Variants in FHIT observed in about 807,000 individuals in gnomAD.
FHIT encodes the protein fragile histidine triad diadenosine triphosphatase, also known as bis(5'-adenosyl)-triphosphatase.
A neutral mutation model predicts 17.9 loss-of-function variants in FHIT; 19 were observed. The ratio of observed to expected loss-of-function variants is 1.06; its 90% CI spans 0.74 to 1.56. The LOEUF (loss-of-function observed/expected upper bound fraction) is 1.56. Ranked by LOEUF, FHIT falls within the 40% of genes most tolerant of loss-of-function variation. The pLI, the probability that FHIT is intolerant of heterozygous loss-of-function variation, is 0.00. For missense variants in FHIT, 248 were observed against 189.2 expected (o/e 1.31, Z -1.82); for synonymous variants, 81 against 69.7 (o/e 1.16, Z -0.81).
chr3:60,873,839 T>C (rs1342729532), intron 3 of FHIT, among the ~76,000 whole-genome samples: 1 of 152,120 alleles, frequency 6.6e-6, no homozygotes, highest in Non-Finnish European at 1.5e-5. Flanking sequence ...CCCTTTACAA[T>C]ATTTAGATAA....
rs944218093 is a variant in FHIT, at chr3:59,749,511, G to T, written c.*74C>A. 7.1e-5 allele frequency: 9 copies of T among 126,692 alleles called. No homozygotes were observed. In the South Asian group the frequency reaches 3.6e-3, roughly 51 times the overall value. The allele number at this position is 126,692 out of a possible 1,614,324, so 7.8% of individuals were successfully genotyped here. On this transcript the variant is annotated 3_prime_UTR_variant, in exon 10 of 10. Transcript: ENST00000492590. ...ATGCTGATTCAGTTCCTCTTGGGGAGAGGCGGGGGGCGGTCTTCAAACTGG... is the reference window on the plus strand; with the variant it reads ...ATGCTGATTCAGTTCCTCTTGGGGATAGGCGGGGGGCGGTCTTCAAACTGG...
At chr3:61,083,453 A>C (rs2035208805) in intron 2 of FHIT, among the ~76,000 whole-genome samples, 1 of 152,096 alleles carries the variant, frequency 6.6e-6, no homozygotes, top group African/African-American at 2.4e-5. Flanking sequence ...AGCCGGGCGA[A>C]GTGGCGGGCG....
At chr3:60,056,081 G>T (rs1379364290) in intron 5 of FHIT, among the ~76,000 whole-genome samples, 1 of 152,228 alleles carries the variant, frequency 6.6e-6, no homozygotes. Context: ...GAAGGTATCT[G>T]AGAGCACAGC....
intron 4 of FHIT, among the ~76,000 whole-genome samples, chr3:60,768,643 C>T (rs75204433): frequency 0.11 from 17,117 of 152,208 alleles, 1,101 homozygotes; most frequent in African/African-American, 0.17. Flanking sequence ...ATTTCCTCTA[C>T]CTTTTGTGGT....
intron 5 of FHIT, among the ~76,000 whole-genome samples, chr3:60,336,954 G>A (rs1339095401): frequency 2.0e-5 from 3 of 151,190 alleles, no homozygotes; most frequent in Admixed American, 6.6e-5. Flanking sequence ...GCTTGAAGAT[G>A]TAGACAGAGA....
intron 3 of FHIT, among the ~76,000 whole-genome samples, chr3:60,875,002 T>C (rs146723114): frequency 1.5e-4 from 23 of 152,142 alleles, no homozygotes; most frequent in Non-Finnish European, 2.8e-4. Flanking sequence ...TGAGATAATA[T>C]AGAGAATATT....
intron 5 of FHIT, among the ~76,000 whole-genome samples, chr3:60,331,737 T>C (rs751631030): frequency 6.6e-6 from 1 of 151,978 alleles, no homozygotes; most frequent in Non-Finnish European, 1.5e-5. Context: ...TCCCAGCTAC[T>C]TGGGAGGCTG....
intron 8 of FHIT, among the ~76,000 whole-genome samples, chr3:59,792,505 T>C (rs139385678): frequency 1.5e-4 from 23 of 152,190 alleles, no homozygotes; most frequent in African/African-American, 5.5e-4. Context: ...ATTTGCCACA[T>C]TTCTGGGGTG....
At chr3:60,632,082 G>C (rs952185382) in intron 4 of FHIT, among the ~76,000 whole-genome samples, 10 of 65,844 alleles carry the variant, frequency 1.5e-4, no homozygotes, top group African/African-American at 4.2e-4. Flanking sequence ...TGGGAAAGAA[G>C]TGTTTTTTTT....
chr3:60,252,827 T>TAA (rs11403324), intron 5 of FHIT, among the ~76,000 whole-genome samples: 9 of 149,104 alleles, frequency 6.0e-5, no homozygotes, highest in African/African-American at 1.2e-4. Context: ...CTTCTCAACT[T>TAA]AAAAAAAAAT....
intron 8 of FHIT, among the ~76,000 whole-genome samples, chr3:59,838,055 T>C (rs1485731): frequency 0.083 from 12,625 of 152,148 alleles, 1,676 homozygotes; most frequent in African/African-American, 0.28. Flanking sequence ...AGAAGTCATT[T>C]TGTCTCCATT....
At chr3:60,571,277 A>C (rs1175634680) in intron 4 of FHIT, among the ~76,000 whole-genome samples, 1 of 137,816 alleles carries the variant, frequency 7.3e-6, no homozygotes, top group Non-Finnish European at 1.5e-5. Flanking sequence ...CAGAGGTGGC[A>C]GTGAGCTGAG....
intron 8 of FHIT, among the ~76,000 whole-genome samples, chr3:59,899,241 A>G (rs913082621): frequency 1.3e-5 from 2 of 152,244 alleles, no homozygotes; most frequent in African/African-American, 4.8e-5. Flanking sequence ...GAGATGATGT[A>G]GGTCAAACAC....
At chr3:60,437,294 G>C (rs1002322449) in intron 5 of FHIT, among the ~76,000 whole-genome samples, 23 of 151,988 alleles carry the variant, frequency 1.5e-4, no homozygotes, top group African/African-American at 5.6e-4. Flanking sequence ...AGAGAAGGAA[G>C]GCATATTTAC....
intron 7 of FHIT, among the ~76,000 whole-genome samples, chr3:59,961,789 G>C (rs555191928): frequency 6.6e-6 from 1 of 152,284 alleles, no homozygotes; most frequent in African/African-American, 2.4e-5. Flanking sequence ...ACCTCAGTTG[G>C]AAATGCAGAA....
intron 5 of FHIT, among the ~76,000 whole-genome samples, chr3:60,236,600 A>G (rs560139832): frequency 6.6e-6 from 1 of 152,268 alleles, no homozygotes; most frequent in South Asian, 2.1e-4. Flanking sequence ...TCATATTCAC[A>G]TATTTTTTAG....
At position 59,748,073 on chromosome 3, in the gene FHIT, C is replaced by G. The variant is rs1044902458; in HGVS notation, c.*1512G>C. On this transcript the variant is annotated 3_prime_UTR_variant, in exon 10 of 10. Coordinates refer to ENST00000492590, the MANE Select transcript of FHIT (RefSeq NM_002012.4). The stretch of plus-strand genomic sequence containing the variant: ...CTAGCCTCACTTTTTAACACAGAGA[C>G]TGAATCTCACTCCTAGTTGCTAAGG... Among the ~76,000 whole-genome samples the G allele has an allele frequency of 6.6e-6, 1 of 152,130 alleles. No homozygotes were observed. The highest frequency in any genetic ancestry group is 2.4e-5 in the African/African-American group (1 of 41,428).
At chr3:60,024,691 G>C (rs1484729657) in intron 5 of FHIT, among the ~76,000 whole-genome samples, 1 of 152,158 alleles carries the variant, frequency 6.6e-6, no homozygotes, top group East Asian at 1.9e-4. Flanking sequence ...GAAAGAAAAG[G>C]TGCAAGAATG....
At chr3:61,156,452 C>A (rs1482411224) in intron 2 of FHIT, among the ~76,000 whole-genome samples, 1 of 152,028 alleles carries the variant, frequency 6.6e-6, no homozygotes, top group Non-Finnish European at 1.5e-5. Context: ...TCGAAACGGT[C>A]CCTAAATAAT....
Sources: allele counts gnomAD v4.1 joint callset (sites outside exome capture counted in the v4.1 genomes callset), GRCh38; gene constraint gnomAD v4.1.1; transcripts MANE v1.5; gene names NCBI Gene and HGNC (gene_info 2026-07-23, HGNC 2026-07-21).